Variants in MAP1LC3A observed in about 807,000 individuals in gnomAD.
The protein encoded by MAP1LC3A is microtubule associated protein 1 light chain 3 alpha.
Under a neutral mutation model 15.2 loss-of-function variants are expected in MAP1LC3A, and 10 were observed. The observed-to-expected ratio is 0.66, with a 90% CI of 0.41 to 1.12. The LOEUF (loss-of-function observed/expected upper bound fraction) is 1.12, where lower values mean the gene tolerates loss of function less well. MAP1LC3A is among the 50% of genes most tolerant of loss of function. The pLI, the probability that MAP1LC3A is intolerant of heterozygous loss-of-function variation, is 0.00. For missense variants in MAP1LC3A, 138 were observed against 167.3 expected (o/e 0.82, Z 0.97); for synonymous variants, 63 against 64.3 (o/e 0.98, Z 0.10).
At chr20:34,557,483 T>A (rs1390459614), upstream of MAP1LC3A, among the ~76,000 whole-genome samples, 1 of 152,220 alleles carries the variant, frequency 6.6e-6, no homozygotes, top group Non-Finnish European at 1.5e-5. Context: ...ATGCATCTTG[T>A]TTCTGTGGCC....
intron 1 of MAP1LC3A, 118 bp from the exon 2 acceptor site, chr20:34,559,090 T>C: frequency 7.5e-7 from 1 of 1,329,080 alleles, no homozygotes; most frequent in Admixed American, 3.7e-5. Context: ...CTGTGGGGCC[T>C]GATGGCCCCG....
intron 1 of MAP1LC3A, among the ~76,000 whole-genome samples, chr20:34,547,141 A>G (rs901198931): frequency 2.0e-5 from 3 of 152,112 alleles, no homozygotes; most frequent in Admixed American, 2.0e-4. Flanking sequence ...GAGAGGAGAG[A>G]AAACATACAC....
chr20:34,547,157 T>C (rs772105632), intron 1 of MAP1LC3A, among the ~76,000 whole-genome samples: 11 of 152,040 alleles, frequency 7.2e-5, no homozygotes, highest in Non-Finnish European at 1.6e-4. Flanking sequence ...TACACTTCCC[T>C]GGGGACGCGG....
chr20:34,547,441 A>C (rs1405211538), intron 1 of MAP1LC3A, among the ~76,000 whole-genome samples: 1 of 140,106 alleles, frequency 7.1e-6, no homozygotes, highest in Non-Finnish European at 1.5e-5. Flanking sequence ...TTTTTTTTTA[A>C]ATAGAGACAG....
chr20:34,549,031 T>C (rs1981847690), intron 1 of MAP1LC3A, among the ~76,000 whole-genome samples: 2 of 147,184 alleles, frequency 1.4e-5, no homozygotes, highest in Admixed American at 1.4e-4. Context: ...GGTTGTGGTT[T>C]TTTGGTTTTG....
chr20:34,555,967 C>A (rs1038999185), upstream of MAP1LC3A, among the ~76,000 whole-genome samples: 1 of 151,940 alleles, frequency 6.6e-6, no homozygotes, highest in Non-Finnish European at 1.5e-5. Flanking sequence ...CTCAGCCTCC[C>A]GAGTAGCTGG....
At chr20:34,555,147 AT>A (rs1227966508), upstream of MAP1LC3A, among the ~76,000 whole-genome samples, 605 of 143,508 alleles carry the variant, frequency 4.2e-3, 2 homozygotes, top group Admixed American at 6.8e-3. Context: ...GAATTTTCTT[AT>A]TTTTTTTTTT....
At chr20:34,548,688 G>A (rs1288863545) in intron 1 of MAP1LC3A, among the ~76,000 whole-genome samples, 1 of 150,622 alleles carries the variant, frequency 6.6e-6, no homozygotes, top group Non-Finnish European at 1.5e-5. Context: ...AATCTTTGGA[G>A]TGTTCCCCTT....
At chr20:34,553,805 C>T (rs1000140497), upstream of MAP1LC3A, among the ~76,000 whole-genome samples, 2 of 152,214 alleles carry the variant, frequency 1.3e-5, no homozygotes, top group African/African-American at 2.4e-5. Context: ...TTAAGGGAAA[C>T]ATTTGCCGAC....
At chr20:34,555,805 C>T (rs1982133028), upstream of MAP1LC3A, among the ~76,000 whole-genome samples, 1 of 151,688 alleles carries the variant, frequency 6.6e-6, no homozygotes, top group African/African-American at 2.4e-5. Context: ...GTATGAACCA[C>T]CACACCTGGC....
In MAP1LC3A at chr20:34,559,801, G is replaced by T; in HGVS notation, c.269G>T (p.Ser90Ile). ...FLLVNQHSMV[S>I]VSTPIADIYE... ...CTGGTGAACCAGCACAGCATGGTGA[G>T]TGTGTCCACGCCCATCGCGGACATC... Residue 90 changes from serine to isoleucine, a missense_variant, in exon 4 of 4, where the codon AGT becomes ATT. Transcript: ENST00000360668. 1.9e-6 allele frequency: 3 copies of T among 1,613,954 alleles called. No individual in the cohort carries two copies. Among genetic ancestry groups the T allele is most frequent in the Non-Finnish European group, 2.5e-6 (3 of 1,179,996 alleles).
chr20:34,554,661 C>T (rs1310490724), upstream of MAP1LC3A, among the ~76,000 whole-genome samples: 8 of 150,508 alleles, frequency 5.3e-5, no homozygotes, highest in Non-Finnish European at 7.4e-5. Flanking sequence ...CATGAGACAC[C>T]GCGCCCGGCC....
At chr20:34,556,259 C>T (rs1982154202), upstream of MAP1LC3A, among the ~76,000 whole-genome samples, 1 of 152,186 alleles carries the variant, frequency 6.6e-6, no homozygotes, top group South Asian at 2.1e-4. Context: ...GCTTACGCGG[C>T]TTTTGTCTGT....
chr20:34,548,908 G>A (rs1206339609), intron 1 of MAP1LC3A, among the ~76,000 whole-genome samples: 1 of 152,134 alleles, frequency 6.6e-6, no homozygotes, highest in East Asian at 1.9e-4. Flanking sequence ...GTTTCACCAT[G>A]TTGGCCAAGC....
At chr20:34,550,126 C>A in intron 2 of MAP1LC3A, 1 of 1,233,422 alleles carries the variant, frequency 8.1e-7, no homozygotes, top group Non-Finnish European at 1.2e-6. Context: ...AGGGTTGCTC[C>A]GCCCGTGTGC....
upstream of MAP1LC3A, chr20:34,558,084 G>T: frequency 1.0e-6 from 1 of 985,470 alleles, no homozygotes; most frequent in Non-Finnish European, 1.2e-6. This position sits in a 1 kb window ranked among gnomAD's most constrained non-coding sequence, Gnocchi z 4.3. Flanking sequence ...TTCTCCTGGC[G>T]TTGCCATCTG....
chr20:34,558,056 T>G, upstream of MAP1LC3A: 2 of 985,314 alleles, frequency 2.0e-6, no homozygotes, highest in Non-Finnish European at 2.4e-6. The surrounding 1 kb of genome is among the most constrained non-coding windows in gnomAD (Gnocchi z 4.3). Flanking sequence ...CCTCTGGAGC[T>G]CTGCTCGGGC....
At chr20:34,550,251 G>A (rs575632724) in intron 2 of MAP1LC3A, among the ~76,000 whole-genome samples, 14 of 152,310 alleles carry the variant, frequency 9.2e-5, no homozygotes, top group Non-Finnish European at 1.3e-4. Context: ...GCGCTTGACC[G>A]TGGCTGAGAC....
intron 1 of MAP1LC3A, among the ~76,000 whole-genome samples, chr20:34,549,281 C>G (rs1161754045): frequency 6.6e-6 from 1 of 152,202 alleles, no homozygotes; most frequent in East Asian, 1.9e-4. Flanking sequence ...CCACCTTGGC[C>G]TCCCAAAGTG....
Sources: allele counts gnomAD v4.1 joint callset (sites outside exome capture counted in the v4.1 genomes callset), GRCh38; gene constraint gnomAD v4.1.1; non-coding constraint Gnocchi (gnomAD v3.1); transcripts MANE v1.5; gene names NCBI Gene and HGNC (gene_info 2026-07-23, HGNC 2026-07-21).